The following GNB4 variants were observed in gnomAD, a reference collection of about 807,000 sequenced individuals.
GNB4 encodes guanine nucleotide-binding protein subunit beta-4.
In GNB4, 28 loss-of-function variants were observed where a neutral mutation model predicts 45.2. That is an observed-to-expected ratio of 0.62 (90% CI 0.46 to 0.85). GNB4 has a LOEUF of 0.85. Ranked by LOEUF, GNB4 falls within the 40% of genes least tolerant of loss-of-function variation. The probability of loss-of-function intolerance (pLI) is 0.00; values close to 1 mark genes in which losing one functional copy is unlikely to be tolerated. For synonymous variants in GNB4, 132 were observed against 143.7 expected, an observed-to-expected ratio of 0.92 and a Z score of 0.58; for missense variants, 321 against 425.4, an observed-to-expected ratio of 0.75 and a Z score of 2.16.
chr3:179,494,283 GAA>G, the GNB4 span, among the ~76,000 whole-genome samples: 1 of 147,950 alleles, frequency 6.8e-6, no homozygotes, highest in African/African-American at 2.5e-5. Flanking sequence ...GAAAGAGAAA[GAA>G]AGAAAGAAAG....
the GNB4 span, among the ~76,000 whole-genome samples, chr3:179,501,916 C>T: frequency 6.6e-6 from 1 of 152,098 alleles, no homozygotes; most frequent in Non-Finnish European, 1.5e-5. Flanking sequence ...GTGATTATTG[C>T]ACATGTGCTT....
chr3:179,472,569 G>T, the GNB4 span, among the ~76,000 whole-genome samples: 1 of 151,842 alleles, frequency 6.6e-6, no homozygotes, highest in African/African-American at 2.4e-5. Flanking sequence ...CTGCCATTTT[G>T]CTAAGGCTGG....
the GNB4 span, among the ~76,000 whole-genome samples, chr3:179,516,564 G>A: frequency 5.1e-4 from 77 of 152,292 alleles, no homozygotes; most frequent in African/African-American, 1.8e-3. Flanking sequence ...ATAGCAGATG[G>A]AACACTGAGA....
upstream of GNB4, among the ~76,000 whole-genome samples, chr3:179,455,148 T>G (rs930993301): frequency 8.5e-5 from 13 of 152,312 alleles, no homozygotes; most frequent in South Asian, 2.1e-4. Flanking sequence ...CCATGGGAAT[T>G]TGGAATCTGT....
At chr3:179,406,427 G>A (rs1714471979) in intron 8 of GNB4, among the ~76,000 whole-genome samples, 1 of 152,134 alleles carries the variant, frequency 6.6e-6, no homozygotes, top group Non-Finnish European at 1.5e-5. Flanking sequence ...TTGGGTCACA[G>A]TATTTCTCCC....
chr3:179,440,820 T>C (rs1161388650), intron 1 of GNB4, among the ~76,000 whole-genome samples: 1 of 152,070 alleles, frequency 6.6e-6, no homozygotes, highest in Non-Finnish European at 1.5e-5. Context: ...TTAAGTATAG[T>C]GTTGATATGT....
chr3:179,459,271 C>G, the GNB4 span, among the ~76,000 whole-genome samples: 1 of 151,654 alleles, frequency 6.6e-6, no homozygotes, highest in East Asian at 1.9e-4. Flanking sequence ...TTCAGCAACA[C>G]TGCAGCCCCT....
intron 1 of GNB4, among the ~76,000 whole-genome samples, chr3:179,441,980 G>A (rs570340688): frequency 1.3e-5 from 2 of 152,026 alleles, no homozygotes; most frequent in East Asian, 2.0e-4. Context: ...GCTAATTTTT[G>A]TATTTTAGTA....
upstream of GNB4, among the ~76,000 whole-genome samples, chr3:179,453,657 G>C (rs1715936848): frequency 6.6e-6 from 1 of 152,068 alleles, no homozygotes. Context: ...GATGTAACAA[G>C]AATTTGACTG....
At chr3:179,427,863 C>T (rs9872939) in intron 1 of GNB4, among the ~76,000 whole-genome samples, 4,396 of 152,230 alleles carry the variant, frequency 0.029, 186 homozygotes, top group African/African-American at 0.091. Flanking sequence ...CTGTCCTGGT[C>T]TCTTTTCTCT....
chr3:179,424,080 G>C (rs1419853455), intron 2 of GNB4, among the ~76,000 whole-genome samples: 3 of 152,198 alleles, frequency 2.0e-5, no homozygotes, highest in Non-Finnish European at 2.9e-5. Flanking sequence ...CTAAGGTTGG[G>C]AGAACCAACT....
rs1714134716 is a variant in GNB4, at chr3:179,396,865, A to G, written c.*4348T>C. On this transcript the variant is annotated 3_prime_UTR_variant, in exon 10 of 10. Coordinates refer to ENST00000232564, the MANE Select transcript of GNB4 (RefSeq NM_021629.4). ...TATACACTGAATCTGAGGCAACCCA[A>G]AATGAACAATGGAAAGAAAACTAGT... 1 of 152,226 alleles carries G rather than the reference A, an allele frequency of 6.6e-6. No homozygotes were observed. Among genetic ancestry groups the G allele is most frequent in the Non-Finnish European group, 1.5e-5 (1 of 68,036 alleles). The allele number at this position is 152,226 out of a possible 1,614,324, so 9.4% of individuals were successfully genotyped here.
the GNB4 span, among the ~76,000 whole-genome samples, chr3:179,490,088 C>A: frequency 1.3e-5 from 2 of 152,294 alleles, no homozygotes; most frequent in Non-Finnish European, 2.9e-5. Flanking sequence ...TTCTATTTCA[C>A]CCACTGAATG....
At chr3:179,520,253 C>T in the GNB4 span, among the ~76,000 whole-genome samples, 1 of 149,126 alleles carries the variant, frequency 6.7e-6, no homozygotes, top group Non-Finnish European at 1.5e-5. Context: ...TTACTTCAGT[C>T]GAGCCCAAAT....
the GNB4 span, among the ~76,000 whole-genome samples, chr3:179,471,139 A>G: frequency 6.6e-6 from 1 of 150,384 alleles, no homozygotes; most frequent in Non-Finnish European, 1.5e-5. Context: ...AGATCGCGCC[A>G]CTGCACTCCA....
At chr3:179,410,052 TC>T (rs1403917357) in intron 8 of GNB4, among the ~76,000 whole-genome samples, 1 of 152,158 alleles carries the variant, frequency 6.6e-6, no homozygotes, top group Admixed American at 6.5e-5. Flanking sequence ...GCTTCCCCCT[TC>T]GCTCGGCACT....
At chr3:179,482,344 G>A in the GNB4 span, among the ~76,000 whole-genome samples, 1 of 152,182 alleles carries the variant, frequency 6.6e-6, no homozygotes, top group Non-Finnish European at 1.5e-5. Flanking sequence ...GAAGACTAGA[G>A]GCTCATAAAG....
intron 1 of GNB4, among the ~76,000 whole-genome samples, chr3:179,446,644 C>T (rs183614955): frequency 1.1e-4 from 17 of 152,126 alleles, no homozygotes; most frequent in African/African-American, 4.1e-4. Flanking sequence ...TTAGTTTCTT[C>T]TTGACCTATT....
At chr3:179,410,114 A>G (rs770932122) in intron 8 of GNB4, among the ~76,000 whole-genome samples, 2 of 152,154 alleles carry the variant, frequency 1.3e-5, no homozygotes, top group Non-Finnish European at 2.9e-5. Flanking sequence ...CATGATTGTA[A>G]GTTTCCTGAG....
Sources: allele counts gnomAD v4.1 joint callset (sites outside exome capture counted in the v4.1 genomes callset), GRCh38; gene constraint gnomAD v4.1.1; transcripts MANE v1.5; gene names NCBI Gene and HGNC (gene_info 2026-07-23, HGNC 2026-07-21).